Variants in MALRD1 observed in about 807,000 individuals in gnomAD.
MALRD1 encodes the protein MAM and LDL-receptor class A domain-containing protein 1.
In MALRD1, 247 loss-of-function variants were observed where a neutral mutation model predicts 242.1. The ratio of observed to expected loss-of-function variants is 1.02; its 90% CI spans 0.92 to 1.13. MALRD1 has a LOEUF of 1.13. Among genes scored for constraint, MALRD1 ranks in the 50% most tolerant of loss-of-function variants. The pLI is 0.00. For missense variants in MALRD1, 2,989 were observed against 2,533.1 expected, an observed-to-expected ratio of 1.18 and a Z score of -3.86; for synonymous variants, 995 against 866.6, an observed-to-expected ratio of 1.15 and a Z score of -2.60.
chr10:19,070,078 A>G (rs1377587746), intron 2 of MALRD1, among the ~76,000 whole-genome samples: 1 of 152,046 alleles, frequency 6.6e-6, no homozygotes, highest in African/African-American at 2.4e-5. Context: ...CATAATTTCA[A>G]TCGATCTATC....
intron 38 of MALRD1, among the ~76,000 whole-genome samples, chr10:19,726,610 G>A (rs1262956419): frequency 6.6e-6 from 1 of 152,014 alleles, no homozygotes; most frequent in Non-Finnish European, 1.5e-5. Context: ...ATACCTCGAA[G>A]AATCAAAATA....
chr10:19,235,009 A>G (rs902818731), intron 18 of MALRD1, among the ~76,000 whole-genome samples: 2 of 152,160 alleles, frequency 1.3e-5, no homozygotes, highest in Admixed American at 6.5e-5. Flanking sequence ...AAACAACTAA[A>G]AAGTTCCAGA....
At chr10:19,216,350 T>TTG (rs1837314538) in intron 18 of MALRD1, among the ~76,000 whole-genome samples, 1 of 151,860 alleles carries the variant, frequency 6.6e-6, no homozygotes, top group South Asian at 2.1e-4. Context: ...ACTCCTGACC[T>TTG]TGTGATCTGC....
At chr10:19,088,568 T>C (rs1392339224) in intron 4 of MALRD1, among the ~76,000 whole-genome samples, 2 of 89,224 alleles carry the variant, frequency 2.2e-5, no homozygotes, top group African/African-American at 5.2e-5. Flanking sequence ...ATAAAGTTTT[T>C]TTTTATTTAT....
chr10:19,415,463 G>A (rs1833479531), intron 28 of MALRD1, among the ~76,000 whole-genome samples: 1 of 151,992 alleles, frequency 6.6e-6, no homozygotes, highest in Middle Eastern at 3.2e-3. Flanking sequence ...CATAAATAAT[G>A]TGTTATTGTA....
chr10:19,054,134 A>T (rs1468341188), intron 1 of MALRD1, among the ~76,000 whole-genome samples: 1 of 152,124 alleles, frequency 6.6e-6, no homozygotes, highest in Non-Finnish European at 1.5e-5. Context: ...AATGATTTAA[A>T]AATAGCTTTT....
intron 26 of MALRD1, among the ~76,000 whole-genome samples, chr10:19,354,491 G>A (rs1274946713): frequency 6.6e-6 from 1 of 151,912 alleles, no homozygotes; most frequent in Admixed American, 6.6e-5. Context: ...CTGTATTTTT[G>A]TACCCATTAA....
At chr10:19,665,393 G>A (rs1466752803) in intron 36 of MALRD1, among the ~76,000 whole-genome samples, 1 of 152,162 alleles carries the variant, frequency 6.6e-6, no homozygotes, top group Non-Finnish European at 1.5e-5. Context: ...TTCTTCCGGT[G>A]ATAAGGTCGT....
chr10:19,204,185 T>G (rs1836678287), intron 15 of MALRD1, 123 bp from the exon 16 acceptor site: 7 of 704,836 alleles, frequency 9.9e-6, no homozygotes, highest in African/African-American at 1.8e-5. Context: ...ACTGATTGAT[T>G]ATTGTATAAT....
intron 36 of MALRD1, among the ~76,000 whole-genome samples, chr10:19,652,897 G>A (rs926677636): frequency 6.6e-6 from 1 of 152,128 alleles, no homozygotes; most frequent in Non-Finnish European, 1.5e-5. Flanking sequence ...CTGCCACCAT[G>A]CAACGTTGCT....
chr10:19,516,747 TTC>T (rs1395459070), intron 31 of MALRD1, among the ~76,000 whole-genome samples: 1 of 144,574 alleles, frequency 6.9e-6, no homozygotes, highest in Non-Finnish European at 1.5e-5. Context: ...TTCTTCCTTG[TTC>T]TTTCTCTTCC....
intron 32 of MALRD1, among the ~76,000 whole-genome samples, chr10:19,543,275 T>G (rs1339642524): frequency 6.7e-6 from 1 of 149,286 alleles, no homozygotes; most frequent in African/African-American, 2.5e-5. Flanking sequence ...TTTATTTATC[T>G]TTTTTTGAGA....
intron 14 of MALRD1, among the ~76,000 whole-genome samples, chr10:19,181,581 G>C (rs1835506725): frequency 6.6e-6 from 1 of 152,152 alleles, no homozygotes; most frequent in African/African-American, 2.4e-5. Context: ...GTAGATCGGA[G>C]GATACGATGT....
intron 35 of MALRD1, 64 bp from the exon 36 acceptor site, chr10:19,615,793 T>C: frequency 8.1e-7 from 1 of 1,238,402 alleles, no homozygotes. Flanking sequence ...CAAATAGTGA[T>C]ATCTTCTTCT....
At chr10:19,319,735 T>A (rs757064659) in intron 21 of MALRD1, among the ~76,000 whole-genome samples, 4 of 151,922 alleles carry the variant, frequency 2.6e-5, no homozygotes, top group African/African-American at 4.8e-5. Context: ...GGGGTCTCCT[T>A]TGTAAGAGCA....
intron 29 of MALRD1, among the ~76,000 whole-genome samples, chr10:19,479,815 C>A (rs948816815): frequency 7.2e-5 from 11 of 152,300 alleles, no homozygotes; most frequent in African/African-American, 2.6e-4. Context: ...CCCTGGCCTT[C>A]AAGGTCTATC....
In MALRD1 at chr10:19,066,757, T is replaced by C. The variant is rs1834992332; in HGVS notation, c.238T>C (p.Cys80Arg). Residue 80 changes from cysteine to arginine, a missense_variant, in exon 2 of 40, where the codon TGT (cysteine) becomes CGT (arginine). Cys to Arg is a radical substitution (Grantham distance 180). Coordinates refer to ENST00000454679, the MANE Select transcript of MALRD1 (RefSeq NM_001142308.3). Reference sequence around the variant, plus strand: ...AAGATGTGATTTTGAGGATGGTCTCTGTCATATGACTCAAGATCAGAGTCT... The same window carrying C: ...AAGATGTGATTTTGAGGATGGTCTCCGTCATATGACTCAAGATCAGAGTCT... The part of the protein sequence containing the change: ...YERCDFEDGL[C>R]HMTQDQSLQP... 4.1e-6 allele frequency: 5 copies of C among 1,233,746 alleles called. No individual in the cohort carries two copies. The highest frequency in any genetic ancestry group is 2.1e-4 in the Middle Eastern group (1 of 4,838). 76.4% of individuals were successfully genotyped at this position (1,233,746 alleles called of 1,614,324 possible). A position where few individuals can be genotyped will look rare whatever the true frequency, so the allele number is the denominator to read the frequency against.
At chr10:19,257,243 A>G (rs1376500249) in intron 18 of MALRD1, among the ~76,000 whole-genome samples, 1 of 152,082 alleles carries the variant, frequency 6.6e-6, no homozygotes, top group Admixed American at 6.6e-5. Flanking sequence ...TGTATATCCT[A>G]GCAAGTAACT....
rs184245197 is a variant in MALRD1, at chr10:19,560,341, A to C, written c.5479-7161A>C. 3.1e-4 allele frequency among the ~76,000 whole-genome samples: 47 copies of C among 152,094 alleles called. No individual in the cohort carries two copies. In the East Asian group the frequency reaches 8.9e-3, roughly 29 times the overall value. Reference sequence around the variant, plus strand: ...AAATTAGCTGGGCGTGGTGTCAGGCACCTGTAGTCCCAGCTACTTGGGAGG... The same window carrying C: ...AAATTAGCTGGGCGTGGTGTCAGGCCCCTGTAGTCCCAGCTACTTGGGAGG... On this transcript the variant is annotated intron_variant, in intron 32 of 39. Transcript: ENST00000454679.
Sources: allele counts gnomAD v4.1 joint callset (sites outside exome capture counted in the v4.1 genomes callset), GRCh38; gene constraint gnomAD v4.1.1; transcripts MANE v1.5; gene names NCBI Gene and HGNC (gene_info 2026-07-23, HGNC 2026-07-21).